Variants in OPTN observed in about 807,000 individuals in gnomAD.
The protein encoded by OPTN is optineurin.
OPTN carries 54 observed loss-of-function variants against 70.4 expected under a neutral mutation model. The ratio of observed to expected loss-of-function variants is 0.77; its 90% CI spans 0.62 to 0.96. The LOEUF (loss-of-function observed/expected upper bound fraction) is 0.96, where lower values mean the gene tolerates loss of function less well. Ranked by LOEUF, OPTN falls within the 40% of genes least tolerant of loss-of-function variation. The pLI, the probability that OPTN is intolerant of heterozygous loss-of-function variation, is 0.00. For missense variants in OPTN, 624 were observed against 673.2 expected (o/e 0.93, Z 0.81); for synonymous variants, 256 against 248.5 (o/e 1.03, Z -0.28).
intron 1 of OPTN, among the ~76,000 whole-genome samples, chr10:13,107,140 C>T (rs550532076): frequency 3.3e-5 from 5 of 152,014 alleles, no homozygotes; most frequent in South Asian, 2.1e-4. Context: ...TTTTGGAGGC[C>T]GAGGCCAGCA....
intron 5 of OPTN, among the ~76,000 whole-genome samples, chr10:13,115,209 TTA>T (rs375778131): frequency 0.58 from 31,743 of 55,186 alleles, 8,091 homozygotes; most frequent in Middle Eastern, 0.69. Flanking sequence ...ATATCTATAT[TTA>T]TATATATATT....
chr10:13,133,802 C>G (rs1367413480), intron 14 of OPTN, among the ~76,000 whole-genome samples: 1 of 152,030 alleles, frequency 6.6e-6, no homozygotes, highest in African/African-American at 2.4e-5. Flanking sequence ...CACGGCCACA[C>G]TTTTTCTTTT....
intron 13 of OPTN, 47 bp downstream of exon 13, chr10:13,132,244 G>T (rs756808023): frequency 1.2e-6 from 2 of 1,602,536 alleles, no homozygotes; most frequent in Admixed American, 1.7e-5. Context: ...CAGCATGGCC[G>T]TAGAAGAGGT....
intron 1 of OPTN, among the ~76,000 whole-genome samples, chr10:13,107,261 G>A (rs1173652047): frequency 1.3e-5 from 2 of 151,524 alleles, no homozygotes; most frequent in Non-Finnish European, 2.9e-5. Flanking sequence ...TATAGTCCCA[G>A]CTACTTGGGA....
chr10:13,102,460 T>G (rs1330017538), intron 1 of OPTN, among the ~76,000 whole-genome samples: 3 of 152,236 alleles, frequency 2.0e-5, no homozygotes, highest in Non-Finnish European at 2.9e-5. Context: ...GCTGTTAAAA[T>G]GTATTCAACA....
At chr10:13,109,992 T>G (rs1341181206) in intron 3 of OPTN, among the ~76,000 whole-genome samples, 5 of 152,142 alleles carry the variant, frequency 3.3e-5, no homozygotes, top group Non-Finnish European at 5.9e-5. Context: ...CTTCCTTAGC[T>G]CCTAGTAACC....
At chr10:13,117,236 A>T (rs1833233341) in intron 6 of OPTN, among the ~76,000 whole-genome samples, 1 of 151,170 alleles carries the variant, frequency 6.6e-6, no homozygotes, top group Non-Finnish European at 1.5e-5. Flanking sequence ...GCCCACCACC[A>T]TGCCCGGCTA....
At chr10:13,112,343 A>G (rs1833026414) in intron 4 of OPTN, 110 bp from the exon 5 acceptor site, 1 of 1,049,102 alleles carries the variant, frequency 9.5e-7, no homozygotes, top group African/African-American at 1.6e-5. Flanking sequence ...TCCTGGCCTC[A>G]AGGGATCCTC....
At position 13,112,523 on chromosome 10, in the gene OPTN, T is replaced by C. The variant is rs200863693; in HGVS notation, c.440T>C (p.Val147Ala). 1.8e-5 allele frequency: 29 copies of C among 1,614,070 alleles called. No individual in the cohort carries two copies. In the African/African-American group the frequency reaches 3.3e-4, roughly 19 times the overall value. The change falls in exon 5 of 15, where the codon GTG becomes GCG. Residue 147 changes from valine (V) to alanine (A), a missense_variant. Physicochemically the swap from Val to Ala is moderately conservative, Grantham distance 64. Transcript: ENST00000378747. Reference sequence around the variant, plus strand: ...GAAAAGGACCAGCTCAGGACCCAGGTGGTGAGGCTACAAGCAGAGAAGGCA... The same window carrying C: ...GAAAAGGACCAGCTCAGGACCCAGGCGGTGAGGCTACAAGCAGAGAAGGCA... ...EQEKDQLRTQ[V>A]VRLQAEKADL...
intron 5 of OPTN, among the ~76,000 whole-genome samples, chr10:13,113,099 G>A (rs1389894044): frequency 6.6e-6 from 1 of 152,098 alleles, no homozygotes; most frequent in African/African-American, 2.4e-5. Context: ...TCGGCTCACT[G>A]CACCCTCTGC....
In OPTN at chr10:13,127,889, A is replaced by ATCC; in HGVS notation, c.1390_1392dup (p.Leu464dup). On this transcript the variant is annotated inframe_insertion, in exon 12 of 15. Coordinates refer to ENST00000378747, the MANE Select transcript of OPTN (RefSeq NM_001008212.2). ...GGAAGAGGACCTGGAAACCATGACC[A>ATCC]TCCTCAGGGCTCAGGTGAGGCACCT... The ATCC allele has an allele frequency of 6.2e-7, 1 of 1,614,162 alleles. No homozygotes were observed. The highest frequency in any genetic ancestry group is 1.3e-5 in the African/African-American group (1 of 75,038).
At chr10:13,106,014 G>GA (rs1173350433) in intron 1 of OPTN, among the ~76,000 whole-genome samples, 1 of 151,264 alleles carries the variant, frequency 6.6e-6, no homozygotes, top group African/African-American at 2.4e-5. Flanking sequence ...TTCATTTTCA[G>GA]AAAAAAAGGA....
At chr10:13,104,530 GGA>G in intron 1 of OPTN, 1 of 504,024 alleles carries the variant, frequency 2.0e-6, no homozygotes. Context: ...CAGGCCCTAT[GGA>G]GAGAGGACAT....
At chr10:13,124,659 A>G (rs1367620086) in intron 9 of OPTN, among the ~76,000 whole-genome samples, 2 of 152,226 alleles carry the variant, frequency 1.3e-5, no homozygotes, top group African/African-American at 2.4e-5. Flanking sequence ...TTCTAGCACA[A>G]TACGGAGGTG....
intron 5 of OPTN, among the ~76,000 whole-genome samples, chr10:13,114,193 T>C (rs1290185052): frequency 6.6e-6 from 1 of 152,158 alleles, no homozygotes; most frequent in Non-Finnish European, 1.5e-5. Flanking sequence ...ATATCTGAAA[T>C]ATGAATGTCT....
intron 5 of OPTN, among the ~76,000 whole-genome samples, chr10:13,114,632 C>T (rs1833081516): frequency 6.8e-6 from 1 of 146,972 alleles, no homozygotes; most frequent in Non-Finnish European, 1.5e-5. Flanking sequence ...CCCCCATGGC[C>T]CCAAGCAGAG....
At chr10:13,133,398 T>A (rs1564369239) in intron 13 of OPTN, 104 bp from the exon 14 acceptor site, 2 of 933,020 alleles carry the variant, frequency 2.1e-6, no homozygotes, top group Non-Finnish European at 3.5e-6. Flanking sequence ...CTTGGCAGTG[T>A]AGTTTGAGTC....
At chr10:13,135,566 T>C (rs1357940620) in intron 14 of OPTN, among the ~76,000 whole-genome samples, 1 of 151,878 alleles carries the variant, frequency 6.6e-6, no homozygotes, top group Admixed American at 6.6e-5. Context: ...CCTAACACTT[T>C]TGCCACGCCA....
At chr10:13,117,474 T>G (rs1833245423) in intron 6 of OPTN, among the ~76,000 whole-genome samples, 1 of 121,658 alleles carries the variant, frequency 8.2e-6, no homozygotes, top group African/African-American at 3.2e-5. Flanking sequence ...GAGATGGAGT[T>G]TCACTCTGCC....
Sources: allele counts gnomAD v4.1 joint callset (sites outside exome capture counted in the v4.1 genomes callset), GRCh38; gene constraint gnomAD v4.1.1; transcripts MANE v1.5; gene names NCBI Gene and HGNC (gene_info 2026-07-23, HGNC 2026-07-21).